The following SBF2 variants were observed in gnomAD, a reference collection of about 807,000 sequenced individuals.
The protein encoded by SBF2 is myotubularin-related protein 13.
A neutral mutation model predicts 225.2 loss-of-function variants in SBF2; 112 were observed. The ratio of observed to expected loss-of-function variants is 0.50; its 90% CI spans 0.43 to 0.58. The LOEUF is 0.58. SBF2 is among the 20% of genes least tolerant of loss of function. SBF2 has a pLI of 0.00. For synonymous variants in SBF2, 763 were observed against 773.3 expected, an observed-to-expected ratio of 0.99 and a Z score of 0.22; for missense variants, 1,996 against 2,206.2, an observed-to-expected ratio of 0.90 and a Z score of 1.91.
At chr11:10,270,429 A>T (rs1278624965) in intron 1 of SBF2, among the ~76,000 whole-genome samples, 5 of 152,218 alleles carry the variant, frequency 3.3e-5, no homozygotes, top group Admixed American at 6.5e-5. Context: ...AAACACAGTT[A>T]CTATTAAGTG....
intron 9 of SBF2, among the ~76,000 whole-genome samples, chr11:9,995,566 A>C (rs1009517487): frequency 1.1e-4 from 17 of 152,164 alleles, no homozygotes; most frequent in African/African-American, 3.6e-4. Flanking sequence ...CTTGTGTGTC[A>C]ATGCTCCCAA....
chr11:10,017,538 CT>C (rs74403655), intron 6 of SBF2, among the ~76,000 whole-genome samples: 8,145 of 152,200 alleles, frequency 0.054, 483 homozygotes, highest in East Asian at 0.18. Context: ...TTAACTAAAA[CT>C]TTATATAAAG....
chr11:9,780,701 G>A (rs1460401374), intron 39 of SBF2, 185 bp from the exon 40 acceptor site: 1 of 638,138 alleles, frequency 1.6e-6, no homozygotes, highest in East Asian at 2.9e-5. Context: ...GAGTCATAGG[G>A]GATGTTGATA....
chr11:10,103,418 T>C (rs1952400615), intron 2 of SBF2, among the ~76,000 whole-genome samples: 1 of 152,224 alleles, frequency 6.6e-6, no homozygotes, highest in Admixed American at 6.5e-5. Flanking sequence ...TGTAAATGTG[T>C]TATTGGTATA....
chr11:10,292,551 C>T (rs895898724), intron 1 of SBF2, among the ~76,000 whole-genome samples: 1 of 151,790 alleles, frequency 6.6e-6, no homozygotes, highest in Non-Finnish European at 1.5e-5. Context: ...TGTTGGCGGG[C>T]GCCTGTAAAT....
At chr11:10,144,551 A>G (rs1954802355) in intron 2 of SBF2, among the ~76,000 whole-genome samples, 1 of 152,182 alleles carries the variant, frequency 6.6e-6, no homozygotes, top group South Asian at 2.1e-4. Flanking sequence ...TTTCATGAAG[A>G]AAAAAATAAA....
rs553306534 is a variant in SBF2 at position 9,981,564 on chromosome 11, T to C, written c.1395+7933A>G. Among the ~76,000 whole-genome samples the C allele has an allele frequency of 5.3e-5, 8 of 152,330 alleles. No individual in the cohort carries two copies. In the East Asian group the frequency reaches 1.3e-3, roughly 26 times the overall value. On this transcript the variant is annotated intron_variant, in intron 13 of 39. Coordinates refer to ENST00000256190, the MANE Select transcript of SBF2 (RefSeq NM_030962.4). ...TATACAACCAATAACCACCATCTTA[T>C]TAGTAAGATTTTAATGTTCAATTCT...
At chr11:10,297,371 G>C (rs1964558117), upstream of SBF2, among the ~76,000 whole-genome samples, 1 of 151,996 alleles carries the variant, frequency 6.6e-6, no homozygotes, top group African/African-American at 2.4e-5. Context: ...TCATTTTCTT[G>C]ATAATGTCCT....
At chr11:10,056,357 T>C (rs1295235948) in intron 2 of SBF2, among the ~76,000 whole-genome samples, 2 of 152,254 alleles carry the variant, frequency 1.3e-5, no homozygotes, top group Admixed American at 6.5e-5. Context: ...ATGATACTGA[T>C]TCTTCCTATA....
chr11:10,008,406 G>C (rs1948293497), intron 6 of SBF2, among the ~76,000 whole-genome samples: 1 of 152,160 alleles, frequency 6.6e-6, no homozygotes, highest in South Asian at 2.1e-4. Context: ...CTAGCACTGG[G>C]CCCCAATACC....
intron 2 of SBF2, among the ~76,000 whole-genome samples, chr11:10,187,132 T>G (rs180739290): frequency 4.6e-5 from 7 of 152,284 alleles, no homozygotes; most frequent in East Asian, 3.9e-4. Flanking sequence ...TCCAGACATA[T>G]CCCATAAAAC....
At chr11:9,891,908 T>A (rs1046140302) in intron 17 of SBF2, among the ~76,000 whole-genome samples, 5 of 152,172 alleles carry the variant, frequency 3.3e-5, no homozygotes, top group Non-Finnish European at 7.4e-5. Context: ...TAACCTTTCA[T>A]CTGGGCTAAT....
chr11:10,294,166 G>A lies in SBF2; in HGVS notation c.-97C>T, dbSNP rs1964363474. On this transcript the variant is annotated 5_prime_UTR_variant, in exon 1 of 40. Transcript: ENST00000256190. ...AGGGCTCAGCATTTTCCCTGCAGCG[G>A]CAGTAGCGGCAGCGGCAGCGCTTCA... 4.4e-6 allele frequency: 4 copies of A among 913,558 alleles called. No homozygotes were observed. The African/African-American group carries it at 5.2e-5, about 12-fold the overall frequency. 56.6% of individuals were successfully genotyped at this position (913,558 alleles called of 1,614,324 possible). A position where few individuals can be genotyped will look rare whatever the true frequency, so the allele number is the denominator to read the frequency against.
At chr11:10,130,085 A>C (rs1245642196) in intron 2 of SBF2, among the ~76,000 whole-genome samples, 2 of 152,076 alleles carry the variant, frequency 1.3e-5, no homozygotes, top group South Asian at 2.1e-4. Flanking sequence ...ACACCTCGCC[A>C]GGCGCAGTGG....
At chr11:9,936,571 A>G (rs1464357213) in intron 16 of SBF2, among the ~76,000 whole-genome samples, 1 of 152,250 alleles carries the variant, frequency 6.6e-6, no homozygotes, top group Admixed American at 6.5e-5. Flanking sequence ...CATCAATGAT[A>G]GACTGGATTA....
At position 9,789,222 on chromosome 11, in the gene SBF2, C is replaced by A; in HGVS notation, c.4819G>T (p.Glu1607Ter). The A allele has an allele frequency of 6.2e-7, 1 of 1,614,106 alleles. No homozygotes were observed. The highest frequency in any genetic ancestry group is 8.5e-7 in the Non-Finnish European group (1 of 1,180,020). The change falls in exon 35 of 40, where the codon GAA becomes TAA. Residue 1607 changes from glutamate (E) to a stop codon, truncating the protein, a stop_gained. Coordinates refer to ENST00000256190, the MANE Select transcript of SBF2 (RefSeq NM_030962.4). LOFTEE classifies it high-confidence loss of function. Reference protein sequence around the residue: ...MMLTPKHFPSEDSDLAGEAGP... With the variant: ...MMLTPKHFPS ...GCTTCTCCAGCCAGGTCAGAGTCTTCGGAGGGGAAGTGCTTGGGGGTTAGC... is the reference window on the plus strand; with the variant it reads ...GCTTCTCCAGCCAGGTCAGAGTCTTAGGAGGGGAAGTGCTTGGGGGTTAGC...
Position 9,975,462 on chromosome 11 carries a change from G to A in SBF2, c.1396-6917C>T, listed in dbSNP as rs773240785. Among the ~76,000 whole-genome samples the A allele has an allele frequency of 1.4e-4, 21 of 152,208 alleles. 1 individual carries two copies. Among genetic ancestry groups the A allele is most frequent in the Non-Finnish European group, 2.8e-4 (19 of 68,036 alleles). ...AAAAAAATTGATCAGTGGTTGCCAA[G>A]TGTTTGAGGTGGTGGGAAGATGTGA... On this transcript the variant is annotated intron_variant, in intron 13 of 39. Coordinates refer to ENST00000256190, the MANE Select transcript of SBF2 (RefSeq NM_030962.4).
intron 17 of SBF2, among the ~76,000 whole-genome samples, chr11:9,870,868 G>A (rs1858669584): frequency 6.6e-6 from 1 of 152,044 alleles, no homozygotes; most frequent in South Asian, 2.1e-4. Flanking sequence ...CAGCTACTTG[G>A]GAGGCTGAGG....
chr11:10,208,017 A>C (rs2135374010), intron 1 of SBF2, among the ~76,000 whole-genome samples: 1 of 152,250 alleles, frequency 6.6e-6, no homozygotes. Context: ...TGATAAACTA[A>C]TCTAAGAAAG....
Sources: gnomAD v4.1 joint callset for allele counts (sites outside exome capture counted in the v4.1 genomes callset) on GRCh38, gnomAD v4.1.1 for gene constraint, MANE v1.5 for transcripts, NCBI Gene and HGNC (gene_info 2026-07-23, HGNC 2026-07-21) for gene names.